Variants in MGAT4C observed in about 807,000 individuals in gnomAD.
The protein encoded by MGAT4C is alpha-1,3-mannosyl-glycoprotein 4-beta-N-acetylglucosaminyltransferase C.
A neutral mutation model predicts 40.1 loss-of-function variants in MGAT4C; 19 were observed. That is an observed-to-expected ratio of 0.47 (90% confidence interval 0.33 to 0.70). The LOEUF (loss-of-function observed/expected upper bound fraction) is 0.70, where lower values mean the gene tolerates loss of function less well. Among genes scored for constraint, MGAT4C ranks in the 30% least tolerant of loss-of-function variants. The pLI, the probability that MGAT4C is intolerant of heterozygous loss-of-function variation, is 0.02. For missense variants in MGAT4C, 491 were observed against 563.2 expected (o/e 0.87, Z 1.30); for synonymous variants, 181 against 187.1 (o/e 0.97, Z 0.27).
chr12:86,357,053 T>C (rs1343446500), intron 3 of MGAT4C, among the ~76,000 whole-genome samples: 1 of 152,136 alleles, frequency 6.6e-6, no homozygotes, highest in Non-Finnish European at 1.5e-5. Flanking sequence ...CCAAGTAGCC[T>C]AACTGGGAGG....
At chr12:86,787,788 C>T (rs2136189919) in intron 1 of MGAT4C, among the ~76,000 whole-genome samples, 1 of 152,186 alleles carries the variant, frequency 6.6e-6, no homozygotes, top group East Asian at 1.9e-4. Flanking sequence ...CACTCTATTG[C>T]CCAGGCTGGA....
chr12:86,105,000 A>G (rs1337874988), intron 1 of MGAT4C, among the ~76,000 whole-genome samples: 1 of 152,148 alleles, frequency 6.6e-6, no homozygotes, highest in Non-Finnish European at 1.5e-5. Flanking sequence ...AATTTAGAAC[A>G]CAGATGGACT....
At chr12:86,402,590 T>C (rs1956388902) in intron 3 of MGAT4C, among the ~76,000 whole-genome samples, 2 of 152,300 alleles carry the variant, frequency 1.3e-5, no homozygotes, top group South Asian at 4.1e-4. Flanking sequence ...GATAAATAGA[T>C]ATCAGTAGAC....
intron 2 of MGAT4C, among the ~76,000 whole-genome samples, chr12:86,493,360 C>T (rs1045633479): frequency 1.2e-4 from 18 of 152,012 alleles, no homozygotes; most frequent in East Asian, 3.9e-4. Flanking sequence ...ATGTTTATTG[C>T]GGCACTATTC....
chr12:86,700,138 T>TAGACAGAC (rs60647571), intron 2 of MGAT4C, among the ~76,000 whole-genome samples: 68 of 142,314 alleles, frequency 4.8e-4, no homozygotes, highest in East Asian at 2.5e-3. Flanking sequence ...TGTAGATAGA[T>TAGACAGAC]AGACAGACAG....
At chr12:86,462,338 G>T (rs181131502) in intron 2 of MGAT4C, among the ~76,000 whole-genome samples, 1 of 152,154 alleles carries the variant, frequency 6.6e-6, no homozygotes, top group Non-Finnish European at 1.5e-5. Context: ...TTCAGGCACT[G>T]TGCTTAATAT....
intron 1 of MGAT4C, among the ~76,000 whole-genome samples, chr12:86,088,865 A>C (rs144476961): frequency 1.6e-4 from 24 of 152,012 alleles, no homozygotes; most frequent in African/African-American, 5.8e-4. Flanking sequence ...AGTAGAACTT[A>C]TTTTGCTGTC....
chr12:86,502,038 CTCA>C (rs1475776951), intron 2 of MGAT4C, among the ~76,000 whole-genome samples: 1 of 151,958 alleles, frequency 6.6e-6, no homozygotes, highest in Non-Finnish European at 1.5e-5. Flanking sequence ...AAAATTAGGA[CTCA>C]TGATAGACAC....
intron 2 of MGAT4C, among the ~76,000 whole-genome samples, chr12:86,502,562 T>C (rs1201176856): frequency 6.6e-6 from 1 of 151,386 alleles, no homozygotes; most frequent in African/African-American, 2.4e-5. Flanking sequence ...TATGACATAT[T>C]ACTAGTTGTT....
chr12:86,597,799 C>T (rs962264128), intron 2 of MGAT4C, among the ~76,000 whole-genome samples: 1 of 152,096 alleles, frequency 6.6e-6, no homozygotes, highest in South Asian at 2.1e-4. Flanking sequence ...ATCCACAATC[C>T]CTTTAAAAAG....
chr12:86,494,804 C>A (rs1958209086), intron 2 of MGAT4C, among the ~76,000 whole-genome samples: 1 of 151,794 alleles, frequency 6.6e-6, no homozygotes, highest in Non-Finnish European at 1.5e-5. Flanking sequence ...GCAACTAGTT[C>A]ATCAAAGAAA....
intron 1 of MGAT4C, among the ~76,000 whole-genome samples, chr12:86,160,624 T>C (rs1270012396): frequency 6.6e-6 from 1 of 152,036 alleles, no homozygotes; most frequent in Non-Finnish European, 1.5e-5. Context: ...GTCTAGAGTT[T>C]CCTTGTTAGT....
intron 2 of MGAT4C, among the ~76,000 whole-genome samples, chr12:85,990,540 T>G (rs985360344): frequency 1.3e-5 from 2 of 152,118 alleles, no homozygotes; most frequent in Non-Finnish European, 2.9e-5. Context: ...TCCCCTATAA[T>G]CTTAGAACTA....
At chr12:86,384,775 G>A (rs1353496163) in intron 3 of MGAT4C, among the ~76,000 whole-genome samples, 1 of 152,044 alleles carries the variant, frequency 6.6e-6, no homozygotes, top group African/African-American at 2.4e-5. Context: ...CAGTAATCTG[G>A]GCAGGACAGA....
chr12:86,107,279 G>A (rs1194119014), intron 1 of MGAT4C, among the ~76,000 whole-genome samples: 4 of 152,056 alleles, frequency 2.6e-5, no homozygotes, highest in Non-Finnish European at 5.9e-5. Flanking sequence ...GGTAACTGGG[G>A]TCAAAGGCTG....
intron 2 of MGAT4C, among the ~76,000 whole-genome samples, chr12:86,667,947 T>C (rs1376072844): frequency 2.0e-5 from 3 of 152,246 alleles, no homozygotes; most frequent in Non-Finnish European, 4.4e-5. Flanking sequence ...ATGGATTTTC[T>C]GGTCTGAAAT....
intron 2 of MGAT4C, among the ~76,000 whole-genome samples, chr12:86,537,912 C>T (rs541015383): frequency 7.9e-5 from 12 of 152,074 alleles, no homozygotes; most frequent in African/African-American, 2.9e-4. Flanking sequence ...CATGGCAAAA[C>T]CCCGTCTCTA....
intron 2 of MGAT4C, among the ~76,000 whole-genome samples, chr12:86,038,568 T>A (rs572607550): frequency 1.8e-4 from 17 of 93,868 alleles, no homozygotes; most frequent in African/African-American, 4.8e-4. Flanking sequence ...TTATTTATTT[T>A]TTTGCTTTCC....
intron 2 of MGAT4C, among the ~76,000 whole-genome samples, chr12:86,648,713 A>G (rs1440954273): frequency 6.6e-6 from 1 of 151,868 alleles, no homozygotes; most frequent in Non-Finnish European, 1.5e-5. Context: ...TAAGCCACCC[A>G]GTTTATGGTA....
Sources: allele counts gnomAD v4.1 joint callset (sites outside exome capture counted in the v4.1 genomes callset), GRCh38; gene constraint gnomAD v4.1.1; transcripts MANE v1.5; gene names NCBI Gene and HGNC (gene_info 2026-07-23, HGNC 2026-07-21).